Variants in PCP4 observed in about 807,000 individuals in gnomAD.
PCP4 encodes the protein calmodulin regulator protein PCP4.
A neutral mutation model predicts 10.0 loss-of-function variants in PCP4; 8 were observed. That is an observed-to-expected ratio of 0.80 (90% CI 0.47 to 1.45). PCP4 has a LOEUF of 1.45. PCP4 is among the 40% of genes most tolerant of loss of function. The pLI is 0.00. For synonymous variants in PCP4, 21 were observed against 23.0 expected (o/e 0.91, Z 0.24); for missense variants, 54 against 74.4 (o/e 0.73, Z 1.01).
chr21:39,867,874 G>A (rs2087301764), intron 1 of PCP4, among the ~76,000 whole-genome samples: 1 of 152,186 alleles, frequency 6.6e-6, no homozygotes, highest in Non-Finnish European at 1.5e-5. Flanking sequence ...ATGTGAGTGG[G>A]CAGGTGGTCA....
intron 1 of PCP4, among the ~76,000 whole-genome samples, chr21:39,892,225 A>G (rs1389878323): frequency 1.3e-5 from 2 of 152,206 alleles, no homozygotes; most frequent in Non-Finnish European, 2.9e-5. Flanking sequence ...ACCTCACCCC[A>G]TGTCCGCCGG....
intron 1 of PCP4, among the ~76,000 whole-genome samples, chr21:39,874,254 C>T (rs2087333759): frequency 6.6e-6 from 1 of 152,188 alleles, no homozygotes. Context: ...CAGTCTTGGA[C>T]TTGGATGAGA....
intron 2 of PCP4, among the ~76,000 whole-genome samples, chr21:39,913,193 G>A (rs991170231): frequency 4.6e-5 from 7 of 152,110 alleles, no homozygotes; most frequent in African/African-American, 1.7e-4. Context: ...CTTTAAAAAG[G>A]TATTTCCAAG....
At chr21:39,918,402 G>A (rs1428433100) in intron 2 of PCP4, among the ~76,000 whole-genome samples, 2 of 152,132 alleles carry the variant, frequency 1.3e-5, no homozygotes, top group Admixed American at 6.5e-5. Context: ...ATAGATGACC[G>A]AGAGGCGCTC....
At chr21:39,901,963 GA>G (rs2087484076) in intron 2 of PCP4, among the ~76,000 whole-genome samples, 3 of 152,142 alleles carry the variant, frequency 2.0e-5, no homozygotes. Flanking sequence ...CTAAAGAATT[GA>G]AGTTACTTAA....
intron 2 of PCP4, among the ~76,000 whole-genome samples, chr21:39,925,567 A>T (rs1881194484): frequency 1.3e-5 from 2 of 152,210 alleles, no homozygotes; most frequent in South Asian, 2.1e-4. Context: ...AAGTAAAGTC[A>T]TGGGTAGCAA....
chr21:39,909,272 T>C (rs911039222), intron 2 of PCP4, among the ~76,000 whole-genome samples: 1 of 152,188 alleles, frequency 6.6e-6, no homozygotes, highest in African/African-American at 2.4e-5. Flanking sequence ...TATCGCTTTT[T>C]CCTCGGGCAG....
chr21:39,873,408 TATTA>T (rs1166210679), intron 1 of PCP4, among the ~76,000 whole-genome samples: 1 of 152,176 alleles, frequency 6.6e-6, no homozygotes, highest in Admixed American at 6.5e-5. Context: ...ATACTCATAA[TATTA>T]ATTAAAATAA....
chr21:39,910,592 G>C (rs2087534931), intron 2 of PCP4, among the ~76,000 whole-genome samples: 1 of 152,192 alleles, frequency 6.6e-6, no homozygotes, highest in Non-Finnish European at 1.5e-5. Context: ...AAAGTGCTTT[G>C]AAGGTTCCTC....
chr21:39,878,210 C>A (rs1222488277), intron 1 of PCP4, among the ~76,000 whole-genome samples: 1 of 152,172 alleles, frequency 6.6e-6, no homozygotes, highest in Admixed American at 6.5e-5. Context: ...TGCCAGGATG[C>A]ATGGGTTAAT....
chr21:39,918,915 T>C (rs1050690455), intron 2 of PCP4, among the ~76,000 whole-genome samples: 2 of 152,242 alleles, frequency 1.3e-5, no homozygotes, highest in Non-Finnish European at 2.9e-5. Context: ...GAGCTTATTG[T>C]CTTTTTTTAA....
chr21:39,917,848 G>C (rs1189621382), intron 2 of PCP4, among the ~76,000 whole-genome samples: 1 of 152,098 alleles, frequency 6.6e-6, no homozygotes, highest in Non-Finnish European at 1.5e-5. Flanking sequence ...ATCTTATTTG[G>C]AGATAGGGTC....
At chr21:39,926,112 C>G (rs2087620109) in intron 2 of PCP4, 1 of 455,682 alleles carries the variant, frequency 2.2e-6, no homozygotes. Context: ...CCTGCCACTC[C>G]TCTAACAGCA....
chr21:39,879,633 A>G (rs185146227), intron 1 of PCP4, among the ~76,000 whole-genome samples: 634 of 152,322 alleles, frequency 4.2e-3, no homozygotes, highest in Non-Finnish European at 7.4e-3. Flanking sequence ...TAATGCCCCC[A>G]TTAGTATTAC....
chr21:39,923,638 G>A (rs2087607369), intron 2 of PCP4, among the ~76,000 whole-genome samples: 3 of 152,212 alleles, frequency 2.0e-5, no homozygotes, highest in Admixed American at 1.3e-4. Flanking sequence ...AGTACACGCG[G>A]CAGAATCCTA....
At chr21:39,919,331 G>A (rs180912050) in intron 2 of PCP4, among the ~76,000 whole-genome samples, 214 of 152,308 alleles carry the variant, frequency 1.4e-3, no homozygotes, top group Middle Eastern at 3.4e-3. Context: ...AGTTAATATT[G>A]TACTTTGAAA....
rs111512080 is a variant in PCP4 at position 39,882,844 on chromosome 21, T to A, written c.9+15334T>A. On this transcript the variant is annotated intron_variant, in intron 1 of 2. Coordinates refer to ENST00000328619, the MANE Select transcript of PCP4 (RefSeq NM_006198.3). ...TCTGTTACTCTTGGCATCGGGCTGG[T>A]CAGCCATAACTTCTAGGGATGGGGA... 2.3e-3 allele frequency among the ~76,000 whole-genome samples: 346 copies of A among 152,362 alleles called. 2 individuals carry two copies. The highest frequency in any genetic ancestry group is 8.1e-3 in the African/African-American group (335 of 41,580).
At chr21:39,908,402 T>C (rs1472092941) in intron 2 of PCP4, among the ~76,000 whole-genome samples, 1 of 152,088 alleles carries the variant, frequency 6.6e-6, no homozygotes, top group Non-Finnish European at 1.5e-5. Flanking sequence ...TGAGGGTGGA[T>C]ACAGAGCTGT....
intron 2 of PCP4, chr21:39,915,940 C>G (rs1467207022): frequency 6.6e-6 from 1 of 152,164 alleles, no homozygotes; most frequent in African/African-American, 2.4e-5. Flanking sequence ...CTTTCTGCTC[C>G]TGGAGTTTAT....
Sources: gnomAD v4.1 joint callset for allele counts (sites outside exome capture counted in the v4.1 genomes callset) on GRCh38, gnomAD v4.1.1 for gene constraint, MANE v1.5 for transcripts, NCBI Gene and HGNC (gene_info 2026-07-23, HGNC 2026-07-21) for gene names.